The following NLRC3 variants were observed in gnomAD, a reference collection of about 807,000 sequenced individuals.
NLRC3 encodes NLR family CARD domain containing 3, also known as NLR family CARD domain-containing protein 3.
In NLRC3, 87 loss-of-function variants were observed where a neutral mutation model predicts 91.6. The ratio of observed to expected loss-of-function variants is 0.95; its 90% CI spans 0.80 to 1.14. NLRC3 has a LOEUF of 1.14. Among genes scored for constraint, NLRC3 ranks in the 50% most tolerant of loss-of-function variants. The probability of loss-of-function intolerance (pLI) is 0.00; values close to 1 mark genes in which losing one functional copy is unlikely to be tolerated. For missense variants in NLRC3, 1,577 were observed against 1,418.6 expected, an observed-to-expected ratio of 1.11 and a Z score of -1.79; for synonymous variants, 694 against 625.3, an observed-to-expected ratio of 1.11 and a Z score of -1.64.
At chr16:3,547,290 C>T (rs1360169344) in intron 15 of NLRC3, among the ~76,000 whole-genome samples, 1 of 152,156 alleles carries the variant, frequency 6.6e-6, no homozygotes, top group East Asian at 1.9e-4. Flanking sequence ...AGACACCAGC[C>T]ACAAAAGGCC....
chr16:3,573,212 G>A (rs1443236562), intron 1 of NLRC3, among the ~76,000 whole-genome samples: 2 of 151,262 alleles, frequency 1.3e-5, no homozygotes, highest in Non-Finnish European at 2.9e-5. Flanking sequence ...GAGCCCGGGA[G>A]TTTGAGACCA....
intron 1 of NLRC3, among the ~76,000 whole-genome samples, chr16:3,571,596 T>A (rs990709124): frequency 6.6e-6 from 1 of 150,646 alleles, no homozygotes; most frequent in Admixed American, 6.6e-5. Context: ...AGTAAATTTG[T>A]CTTAATTGAA....
chr16:3,575,716 C>T (rs986423023), intron 1 of NLRC3, among the ~76,000 whole-genome samples: 3 of 152,214 alleles, frequency 2.0e-5, no homozygotes, highest in African/African-American at 7.2e-5. Flanking sequence ...TCAGTCCCGA[C>T]GGACTAGCCG....
rs983061869 is a variant in NLRC3, at chr16:3,563,467, G to A, written c.1470C>T (p.Gly490=). The change falls in exon 5 of 20, where the codon GGC becomes GGT. Residue 490 remains glycine, a synonymous_variant. Coordinates refer to ENST00000359128, the MANE Select transcript of NLRC3 (RefSeq NM_178844.4). ...CTGCGCTCCTGAAATGCGTGAGGAA[G>A]CCCAGCCTGGGCCAGGATACGCCGC... ...TESGVSWPRL[G]FLTHFRSAAQ... is the part of the protein sequence containing the mutation. 5.0e-6 allele frequency: 8 copies of A among 1,584,340 alleles called. No individual in the cohort carries two copies. The highest frequency in any genetic ancestry group is 2.7e-5 in the African/African-American group (2 of 74,230).
chr16:3,543,480 C>G lies in NLRC3; in HGVS notation c.2884G>C (p.Gly962Arg). Residue 962 changes from glycine to arginine, a missense_variant, in exon 17 of 20, where the codon GGC becomes CGC. Transcript: ENST00000359128. ...YLQVASIGAS[G>R]AQVLGEALAV... ...AAGGCTTCCCCTAGCACCTGGGCGC[C>G]TGAAGCACCAATTGAGGCCACCTGG... The G allele has an allele frequency of 3.1e-6, 5 of 1,613,288 alleles. No homozygotes were observed. The highest frequency in any genetic ancestry group is 2.5e-6 in the Non-Finnish European group (3 of 1,179,666).
chr16:3,568,204 ATAAG>A (rs899756602), intron 1 of NLRC3, among the ~76,000 whole-genome samples: 8 of 152,186 alleles, frequency 5.3e-5, no homozygotes, highest in Non-Finnish European at 1.0e-4. Flanking sequence ...TAAAGTAAAA[ATAAG>A]TAAAACAGTA....
chr16:3,542,052 G>A, intron 19 of NLRC3, 137 bp from the exon 20 acceptor site: 1 of 804,706 alleles, frequency 1.2e-6, no homozygotes, highest in Middle Eastern at 2.4e-4. Flanking sequence ...ACAAGGCTCA[G>A]GGTACCTCCC....
intron 3 of NLRC3, 52 bp downstream of exon 3, chr16:3,565,267 C>G (rs972584964): frequency 2.5e-5 from 17 of 690,818 alleles, no homozygotes; most frequent in Non-Finnish European, 4.0e-5. Flanking sequence ...ATGCAGGGGC[C>G]CAGTGGATGA....
chr16:3,550,162 T>C (rs2038918201), intron 11 of NLRC3, among the ~76,000 whole-genome samples: 1 of 152,032 alleles, frequency 6.6e-6, no homozygotes, highest in Non-Finnish European at 1.5e-5. Context: ...GCTGACTCCC[T>C]CTCCAGCCAC....
chr16:3,555,749 CTTTTT>C (rs61266511), intron 8 of NLRC3: 1 of 141,694 alleles, frequency 7.1e-6, no homozygotes, highest in Non-Finnish European at 1.5e-5. Flanking sequence ...CTTTTCTTTT[CTTTTT>C]TTTTTTTAGT....
chr16:3,561,984 C>T (rs371365431), intron 5 of NLRC3, among the ~76,000 whole-genome samples, 196 bp from the exon 6 acceptor site: 2 of 152,180 alleles, frequency 1.3e-5, no homozygotes, highest in East Asian at 3.9e-4. Context: ...CCTGCGGTTC[C>T]TGTGCAGAAC....
In NLRC3 at chr16:3,543,314, A is replaced by T. The variant is rs572313557; in HGVS notation, c.2939+111T>A. The T allele has an allele frequency of 2.1e-5, 16 of 771,030 alleles. 2 individuals are homozygous for T. The South Asian group carries it at 2.3e-4, about 11-fold the overall frequency. The allele number at this position is 771,030 out of a possible 1,614,324, so 47.8% of individuals were successfully genotyped here. Reference sequence around the variant, plus strand: ...CTGGTATACTTGCACTGAAATGAAGATCACCAGGATGATTTGTGAGTTGTC... The same window carrying T: ...CTGGTATACTTGCACTGAAATGAAGTTCACCAGGATGATTTGTGAGTTGTC... On this transcript the variant is annotated intron_variant, in intron 17 of 19. Transcript: ENST00000359128.
chr16:3,566,855 C>T (rs982902326), intron 2 of NLRC3, among the ~76,000 whole-genome samples: 9 of 152,200 alleles, frequency 5.9e-5, no homozygotes, highest in South Asian at 2.1e-4. Flanking sequence ...TGCGCCACTG[C>T]ACTCCAGTCG....
At chr16:3,556,811 G>T in intron 8 of NLRC3, 100 bp downstream of exon 8, 1 of 794,686 alleles carries the variant, frequency 1.3e-6, no homozygotes, top group Non-Finnish European at 2.1e-6. Context: ...CCCCATGCCT[G>T]CCATTGTGAA....
chr16:3,574,443 G>GGAAT (rs2040211637), intron 1 of NLRC3, among the ~76,000 whole-genome samples: 1 of 152,154 alleles, frequency 6.6e-6, no homozygotes, highest in African/African-American at 2.4e-5. Context: ...GGCTGGGAGA[G>GGAAT]GAATGAGGGA....
rs118180921 is a variant in NLRC3 at position 3,551,709 on chromosome 16, A to G, written c.2351+487T>C. On this transcript the variant is annotated intron_variant, in intron 10 of 19. Coordinates refer to ENST00000359128, the MANE Select transcript of NLRC3 (RefSeq NM_178844.4). ...CATTCACTCATTCATCCACTCAGTC[A>G]TTCATCTACTCGTTCATTCAACCAT... is the stretch of plus-strand genomic sequence containing the variant. Among the ~76,000 whole-genome samples the G allele has an allele frequency of 2.6e-3, 378 of 145,374 alleles. 1 individual carries two copies. The highest frequency in any genetic ancestry group is 4.7e-3 in the Non-Finnish European group (311 of 66,472).
At chr16:3,562,988 G>GC in intron 5 of NLRC3, 21 bp downstream of exon 5, 1 of 1,545,380 alleles carries the variant, frequency 6.5e-7, no homozygotes. Context: ...CCCAGCCCCT[G>GC]CCCCCTGCCC....
chr16:3,568,527 C>A (rs1176900255), intron 1 of NLRC3, among the ~76,000 whole-genome samples: 3 of 152,154 alleles, frequency 2.0e-5, no homozygotes, highest in Non-Finnish European at 4.4e-5. Context: ...AGTTTGAGAC[C>A]AGCCTGGGCA....
At chr16:3,558,606 A>T (rs1309911775) in intron 6 of NLRC3, among the ~76,000 whole-genome samples, 5 of 151,812 alleles carry the variant, frequency 3.3e-5, no homozygotes, top group Non-Finnish European at 7.4e-5. Flanking sequence ...ACACACACAC[A>T]CATCTTGATT....
Sources: allele counts gnomAD v4.1 joint callset (sites outside exome capture counted in the v4.1 genomes callset), GRCh38; gene constraint gnomAD v4.1.1; transcripts MANE v1.5; gene names NCBI Gene and HGNC (gene_info 2026-07-23, HGNC 2026-07-21).